The following XKR9 variants were observed in gnomAD, a reference collection of about 807,000 sequenced individuals.
XKR9 encodes the protein XK-related protein 9.
A neutral mutation model predicts 32.0 loss-of-function variants in XKR9; 32 were observed. That is an observed-to-expected ratio of 1.00 (90% CI 0.76 to 1.34). The LOEUF (loss-of-function observed/expected upper bound fraction) is 1.34. Among genes scored for constraint, XKR9 ranks in the 40% most tolerant of loss-of-function variants. The probability of loss-of-function intolerance (pLI) is 0.00; values close to 1 mark genes in which losing one functional copy is unlikely to be tolerated. For synonymous variants in XKR9, 168 were observed against 143.4 expected (o/e 1.17, Z -1.22); for missense variants, 546 against 429.7 (o/e 1.27, Z -2.39).
the XKR9 span, among the ~76,000 whole-genome samples, chr8:70,813,924 G>A: frequency 9.2e-5 from 14 of 152,182 alleles, no homozygotes; most frequent in South Asian, 6.2e-4. Flanking sequence ...ACCATTTGAC[G>A]CAGCAATCCC....
chr8:70,780,710 T>G lies in XKR9; in HGVS notation n.353-8629T>G, dbSNP rs896619598. ...GTTTCTGTTGTTTAGAGCCATCTAA[T>G]TTTTGGCAATTTATTATGGAAGTCC... On this transcript the variant is annotated intron_variant and non_coding_transcript_variant, in intron 2 of 3. Coordinates refer to the XKR9 transcript ENST00000520273. Among the ~76,000 whole-genome samples, 3 of 152,262 alleles carry G rather than the reference T, an allele frequency of 2.0e-5. No individual in the cohort carries two copies. The East Asian group carries it at 5.8e-4, about 29-fold the overall frequency.
At chr8:70,694,017 G>T (rs1485978502) in intron 3 of XKR9, among the ~76,000 whole-genome samples, 1 of 151,708 alleles carries the variant, frequency 6.6e-6, no homozygotes, top group African/African-American at 2.4e-5. Context: ...CCAGTGAGGA[G>T]ATATGGGAAT....
the XKR9 span, among the ~76,000 whole-genome samples, chr8:70,869,050 C>T: frequency 4.6e-5 from 7 of 152,188 alleles, no homozygotes; most frequent in Admixed American, 3.9e-4. Flanking sequence ...TCATCCGAGA[C>T]CACCTCAGCA....
chr8:70,971,606 A>G, the XKR9 span, among the ~76,000 whole-genome samples: 1 of 152,162 alleles, frequency 6.6e-6, no homozygotes, highest in Non-Finnish European at 1.5e-5. Flanking sequence ...CTTAGATTTA[A>G]GTCTTTGATC....
the XKR9 span, among the ~76,000 whole-genome samples, chr8:70,809,439 A>G: frequency 6.6e-6 from 1 of 152,252 alleles, no homozygotes; most frequent in Admixed American, 6.5e-5. Flanking sequence ...TCAAAGCTGG[A>G]CGGAGAATGA....
At chr8:70,890,517 G>T in the XKR9 span, among the ~76,000 whole-genome samples, 1 of 151,754 alleles carries the variant, frequency 6.6e-6, no homozygotes, top group South Asian at 2.1e-4. Context: ...TTATTATAAA[G>T]GATGTTGAAT....
the XKR9 span, among the ~76,000 whole-genome samples, chr8:70,955,400 A>G: frequency 6.6e-6 from 1 of 152,202 alleles, no homozygotes; most frequent in Non-Finnish European, 1.5e-5. Flanking sequence ...CATGATTTTT[A>G]AAAGGATGTT....
intron 4 of XKR9, among the ~76,000 whole-genome samples, chr8:70,730,587 T>TTA (rs139691865): frequency 6.7e-4 from 102 of 151,960 alleles, no homozygotes; most frequent in Middle Eastern, 6.8e-3. Context: ...ATTTTTTTTT[T>TTA]AAATAAGATT....
chr8:70,905,961 A>G, the XKR9 span, among the ~76,000 whole-genome samples: 8 of 152,200 alleles, frequency 5.3e-5, no homozygotes, highest in African/African-American at 1.9e-4. Context: ...CAGAACAGCA[A>G]ATGTTGCTGG....
At chr8:70,739,736 T>C (rs1806933115), downstream of XKR9, among the ~76,000 whole-genome samples, 1 of 152,194 alleles carries the variant, frequency 6.6e-6, no homozygotes, top group Admixed American at 6.5e-5. Flanking sequence ...AAGCTTAGTT[T>C]GTCTGGATAT....
chr8:70,981,657 A>T, the XKR9 span, among the ~76,000 whole-genome samples: 1 of 151,884 alleles, frequency 6.6e-6, no homozygotes, highest in Non-Finnish European at 1.5e-5. Flanking sequence ...AGAGATTTTT[A>T]TCTTAGTTTG....
chr8:70,717,641 A>G (rs756905801), intron 4 of XKR9, among the ~76,000 whole-genome samples: 1 of 152,090 alleles, frequency 6.6e-6, no homozygotes, highest in Non-Finnish European at 1.5e-5. Flanking sequence ...CCATTTTTTC[A>G]TCTTAGGCCT....
At chr8:70,935,753 A>G in the XKR9 span, among the ~76,000 whole-genome samples, 2 of 152,090 alleles carry the variant, frequency 1.3e-5, no homozygotes, top group Non-Finnish European at 2.9e-5. Flanking sequence ...GTTGGGCAAT[A>G]TATTCAAAAC....
the XKR9 span, among the ~76,000 whole-genome samples, chr8:70,830,250 A>G: frequency 6.6e-6 from 1 of 152,108 alleles, no homozygotes; most frequent in Non-Finnish European, 1.5e-5. Flanking sequence ...TTTGCTCATC[A>G]GTTTCAAGGA....
At chr8:71,059,956 C>T in the XKR9 span, among the ~76,000 whole-genome samples, 2 of 152,110 alleles carry the variant, frequency 1.3e-5, no homozygotes, top group African/African-American at 2.4e-5. Context: ...TAGGCTCATC[C>T]CATTTTTTTT....
chr8:70,792,536 T>A (rs183827795), downstream of XKR9, among the ~76,000 whole-genome samples: 65 of 151,972 alleles, frequency 4.3e-4, 1 homozygote, highest in Admixed American at 4.0e-3. Context: ...AAGAAAGAAA[T>A]GAACTATGGA....
chr8:70,920,147 T>A, the XKR9 span, among the ~76,000 whole-genome samples: 1 of 152,228 alleles, frequency 6.6e-6, no homozygotes, highest in Non-Finnish European at 1.5e-5. Context: ...ATCTACACCT[T>A]AATAAACCTT....
intron 2 of XKR9, among the ~76,000 whole-genome samples, chr8:70,756,990 C>T (rs915808158): frequency 1.3e-5 from 2 of 152,128 alleles, no homozygotes; most frequent in South Asian, 2.1e-4. Flanking sequence ...TTTATAGATG[C>T]TCTTTATTAG....
chr8:70,798,187 C>CT, the XKR9 span, among the ~76,000 whole-genome samples: 3,896 of 151,112 alleles, frequency 0.026, 60 homozygotes, highest in Middle Eastern at 0.048. Flanking sequence ...ATAAGTGTTC[C>CT]TTTTTTTTTC....
Sources: gnomAD v4.1 joint callset for allele counts (sites outside exome capture counted in the v4.1 genomes callset) on GRCh38, gnomAD v4.1.1 for gene constraint, MANE v1.5 for transcripts, NCBI Gene and HGNC (gene_info 2026-07-23, HGNC 2026-07-21) for gene names.